Variants in BMP8B observed in about 807,000 individuals in gnomAD.
BMP8B encodes the protein bone morphogenetic protein 8b, also known as bone morphogenetic protein 8 (osteogenic protein 2).
A neutral mutation model predicts 30.3 loss-of-function variants in BMP8B; 17 were observed. The observed-to-expected ratio is 0.56, with a 90% CI of 0.38 to 0.84. The LOEUF (loss-of-function observed/expected upper bound fraction) is 0.84. Among genes scored for constraint, BMP8B ranks in the 40% least tolerant of loss-of-function variants. The probability of loss-of-function intolerance (pLI) is 0.00; values close to 1 mark genes in which losing one functional copy is unlikely to be tolerated. For synonymous variants in BMP8B, 131 were observed against 214.7 expected (o/e 0.61, Z 3.41); for missense variants, 253 against 494.6 (o/e 0.51, Z 4.63).
At chr1:39,777,286 C>A (rs1316709277) in intron 1 of BMP8B, among the ~76,000 whole-genome samples, 1 of 152,222 alleles carries the variant, frequency 6.6e-6, no homozygotes, top group East Asian at 1.9e-4. Context: ...ATAAAAGCTG[C>A]CCCAAATGGT....
chr1:39,788,251 C>A lies in BMP8B; in HGVS notation c.235G>T (p.Asp79Tyr), dbSNP rs1283398213. 2 of 1,522,934 alleles carry A rather than the reference C, an allele frequency of 1.3e-6. No individual in the cohort carries two copies. Among genetic ancestry groups the A allele is most frequent in the South Asian group, 2.4e-5 (2 of 84,004 alleles). The allele number at this position is 1,522,934 out of a possible 1,614,324, so 94.3% of individuals were successfully genotyped here. Residue 79 changes from aspartate (D) to tyrosine (Y), a missense_variant, in exon 1 of 7, where the codon GAC (aspartate) becomes TAC (tyrosine). Around this residue, in one of 7 missense-constraint regions of BMP8B, gnomAD observed 52 missense variants for 68.3 expected, o/e 0.76. Transcript: ENST00000372827. This position sits in a 1 kb window ranked among gnomAD's most constrained non-coding sequence, Gnocchi z 5.8. Reference sequence around the variant, plus strand: ...TCGCCGGCCATGGCGTGGTACAGGTCCAGCATGAAGAGCGGCGCGGACGCG... The same window carrying A: ...TCGCCGGCCATGGCGTGGTACAGGTACAGCATGAAGAGCGGCGCGGACGCG... ...LPASAPLFML[D>Y]LYHAMAGDDD...
At position 39,764,640 on chromosome 1, in the gene BMP8B, CGGTT is replaced by C. The variant is rs1649471613; in HGVS notation, c.847_850del (p.Asn283AspfsTer59). 1.2e-6 allele frequency: 2 copies of C among 1,613,206 alleles called. No homozygotes were observed. The highest frequency in any genetic ancestry group is 2.7e-5 in the African/African-American group (2 of 74,586). On this transcript the variant is annotated frameshift_variant, in exon 4 of 7. Coordinates refer to ENST00000372827, the MANE Select transcript of BMP8B (RefSeq NM_001720.5). LOFTEE classifies it high-confidence loss of function. ...ACCCTCACCAAAGATCCCTGGGAGT[CGGTT>C]GGCCTGCGGCAGCTCGTTGCTTTTC... is the stretch of plus-strand genomic sequence containing the variant.
At chr1:39,762,891 T>C (rs1649198636) in intron 6 of BMP8B, among the ~76,000 whole-genome samples, 1 of 152,196 alleles carries the variant, frequency 6.6e-6, no homozygotes, top group African/African-American at 2.4e-5. Flanking sequence ...CGTGTTTGGG[T>C]GCGAGTCTAC....
chr1:39,780,232 G>C (rs34984427), intron 1 of BMP8B, among the ~76,000 whole-genome samples: 19,642 of 152,174 alleles, frequency 0.13, 1,523 homozygotes, highest in South Asian at 0.2. Flanking sequence ...ACCATCGAGG[G>C]CCATGGTGAA....
chr1:39,764,270 C>T (rs1248168054), intron 4 of BMP8B, among the ~76,000 whole-genome samples: 14 of 151,226 alleles, frequency 9.3e-5, no homozygotes, highest in African/African-American at 2.2e-4. Flanking sequence ...GGAGAAAACT[C>T]GCATAAGCAA....
chr1:39,781,112 C>G (rs563693778), intron 1 of BMP8B, among the ~76,000 whole-genome samples: 1 of 152,226 alleles, frequency 6.6e-6, no homozygotes, highest in Non-Finnish European at 1.5e-5. Context: ...TGGGGCTATA[C>G]TTTTATTAGC....
At position 39,760,458 on chromosome 1, in the gene BMP8B, C is replaced by T; in HGVS notation, c.1170G>A (p.Lys390=). The T allele has an allele frequency of 1.2e-6, 2 of 1,614,176 alleles. No homozygotes were observed. The highest frequency in any genetic ancestry group is 2.2e-5 in the East Asian group (1 of 44,874). ...YDSSNNVILR[K]HRNMVVKACG... is the part of the protein sequence containing the mutation. ...AGGCCTTGACCACCATGTTGCGGTG[C>T]TTGCGCAGGATGACATTGTTGCTGC... is the stretch of plus-strand genomic sequence containing the variant. The change falls in exon 7 of 7, where the codon AAG becomes AAA. Residue 390 remains lysine, a synonymous_variant. Coordinates refer to ENST00000372827, the MANE Select transcript of BMP8B (RefSeq NM_001720.5).
chr1:39,787,038 C>A (rs527378240), intron 1 of BMP8B, among the ~76,000 whole-genome samples: 34 of 152,380 alleles, frequency 2.2e-4, no homozygotes, highest in Non-Finnish European at 4.3e-4. Context: ...TCTCTTTGAG[C>A]CCTGGATGGA....
intron 3 of BMP8B, chr1:39,769,627 G>A: frequency 6.9e-7 from 1 of 1,447,754 alleles, no homozygotes; most frequent in Non-Finnish European, 9.1e-7. Flanking sequence ...CCAGAGCTGG[G>A]GACATGTATT....
chr1:39,770,539 G>A (rs138789145), intron 3 of BMP8B: 1 of 1,609,884 alleles, frequency 6.2e-7, no homozygotes, highest in South Asian at 1.1e-5. Context: ...CCGCCGTGAC[G>A]TCTGCAGCTT....
intron 3 of BMP8B, among the ~76,000 whole-genome samples, chr1:39,769,005 T>C (rs1319963890): frequency 1.3e-5 from 2 of 149,400 alleles, no homozygotes; most frequent in Non-Finnish European, 3.0e-5. Context: ...ATGGTGAAAC[T>C]CCATTTCTAT....
At chr1:39,769,256 A>G (rs540983451) in intron 3 of BMP8B, among the ~76,000 whole-genome samples, 6 of 150,836 alleles carry the variant, frequency 4.0e-5, no homozygotes, top group Admixed American at 6.6e-5. Flanking sequence ...TCTTCCAATC[A>G]CAAACTCACA....
intron 3 of BMP8B, chr1:39,769,805 C>G: frequency 6.2e-7 from 1 of 1,613,724 alleles, no homozygotes; most frequent in African/African-American, 1.3e-5. Flanking sequence ...CCAGAGCTCC[C>G]TCAGCGTCAG....
intron 3 of BMP8B, chr1:39,771,438 T>C: frequency 2.8e-6 from 2 of 702,120 alleles, no homozygotes; most frequent in Non-Finnish European, 4.2e-6. Context: ...GGCTCCGCCC[T>C]GGGCTGGGGG....
chr1:39,769,892 A>G, intron 3 of BMP8B: 2 of 1,607,336 alleles, frequency 1.2e-6, no homozygotes, highest in Non-Finnish European at 1.7e-6. Context: ...GGTCAGCGGC[A>G]TGGTGCATTT....
chr1:39,782,141 A>C (rs2124499851), intron 1 of BMP8B, among the ~76,000 whole-genome samples: 1 of 144,702 alleles, frequency 6.9e-6, no homozygotes, highest in Non-Finnish European at 1.5e-5. Flanking sequence ...ACAAGAGCAA[A>C]ACTCCATCTC....
At chr1:39,761,134 CCT>C (rs1648905329) in intron 6 of BMP8B, 2 of 154,946 alleles carry the variant, frequency 1.3e-5, no homozygotes, top group Non-Finnish European at 2.9e-5. Flanking sequence ...TCAGCTTGGA[CCT>C]CTCTTCTGAA....
Position 39,759,597 on chromosome 1 carries a change from A to T in BMP8B, c.*822T>A, listed in dbSNP as rs187979092. ...GTGCATTGTCATCCTGGGCCACCCA[A>T]TGCAACCACATGCTTGCTCAGCAAA... On this transcript the variant is annotated 3_prime_UTR_variant, in exon 7 of 7. Transcript: ENST00000372827. 6.6e-6 allele frequency: 1 copy of T among 152,258 alleles called. No individual in the cohort carries two copies. Among genetic ancestry groups the T allele is most frequent in the Non-Finnish European group, 1.5e-5 (1 of 68,044 alleles). The allele number at this position is 152,258 out of a possible 1,614,324, so 9.4% of individuals were successfully genotyped here.
chr1:39,768,824 G>C (rs1415345986), intron 3 of BMP8B, among the ~76,000 whole-genome samples: 2 of 150,562 alleles, frequency 1.3e-5, no homozygotes, highest in Admixed American at 6.6e-5. Flanking sequence ...CTGGACCACT[G>C]TACTCTAGCC....
Sources: allele counts gnomAD v4.1 joint callset (sites outside exome capture counted in the v4.1 genomes callset), GRCh38; gene constraint gnomAD v4.1.1; regional missense constraint gnomAD v4.1.1; non-coding constraint Gnocchi (gnomAD v3.1); transcripts MANE v1.5; gene names NCBI Gene and HGNC (gene_info 2026-07-23, HGNC 2026-07-21).